BRWD1: variants seen among roughly 807,000 people sequenced by gnomAD.
BRWD1 encodes bromodomain and WD repeat-containing protein 1.
In BRWD1, 82 loss-of-function variants were observed where a neutral mutation model predicts 251.2. That is an observed-to-expected ratio of 0.33 (90% CI 0.27 to 0.39). BRWD1 has a LOEUF of 0.39. Among genes scored for constraint, BRWD1 ranks in the 10% least tolerant of loss-of-function variants. The pLI is 1.00. For missense variants in BRWD1, 2,233 were observed against 2,711.6 expected (o/e 0.82, Z 3.92); for synonymous variants, 918 against 902.8 (o/e 1.02, Z -0.30).
chr21:39,214,759 C>G (rs982127358), intron 32 of BRWD1, among the ~76,000 whole-genome samples: 4 of 151,742 alleles, frequency 2.6e-5, no homozygotes, highest in African/African-American at 9.7e-5. Context: ...AGTTGAAAAA[C>G]TGAATTATTC....
chr21:39,237,143 A>C (rs537499685), intron 22 of BRWD1, among the ~76,000 whole-genome samples: 1 of 152,314 alleles, frequency 6.6e-6, no homozygotes, highest in African/African-American at 2.4e-5. Context: ...CAAAACCCCA[A>C]AAATAGGCCC....
At chr21:39,185,294 C>CAAAAAAAAAAAA (rs2031152435), downstream of BRWD1, 1 of 9,846 alleles carries the variant, frequency 1.0e-4, no homozygotes. Context: ...ACTGAAATTG[C>CAAAAAAAAAAAA]TAAAAAAAAA....
In BRWD1 at chr21:39,308,768, AG is replaced by A. The variant is rs1476011783; in HGVS notation, c.198+4072del. On this transcript the variant is annotated intron_variant, in intron 4 of 40. Coordinates refer to ENST00000342449, the MANE Select transcript of BRWD1 (RefSeq NM_033656.4). ...GAAAAAGGAACAAGTTACCATCATA[AG>A]GAACAATAAGACAAATACAGAATGT... Among the ~76,000 whole-genome samples, 4 of 152,292 alleles carry A rather than the reference AG, an allele frequency of 2.6e-5. No homozygotes were observed. In the East Asian group the frequency reaches 7.7e-4, roughly 29 times the overall value.
downstream of BRWD1, chr21:39,185,437 A>T (rs1033105988): frequency 1.3e-5 from 2 of 152,080 alleles, no homozygotes; most frequent in Non-Finnish European, 2.9e-5. Flanking sequence ...ACTGGAAAGA[A>T]GTTTAAGCAT....
At chr21:39,319,512 A>T (rs1190725434) in intron 1 of BRWD1, among the ~76,000 whole-genome samples, 1 of 152,132 alleles carries the variant, frequency 6.6e-6, no homozygotes, top group Non-Finnish European at 1.5e-5. Flanking sequence ...GAGTTGGGCA[A>T]CCTCTTGGCT....
chr21:39,191,080 C>T lies in BRWD1; in HGVS notation c.*5179G>A. The T allele has an allele frequency of 1.0e-6, 1 of 985,248 alleles. No individual in the cohort carries two copies. Among genetic ancestry groups the T allele is most frequent in the Non-Finnish European group, 1.2e-6 (1 of 829,854 alleles). 61.0% of individuals were successfully genotyped at this position (985,248 alleles called of 1,614,324 possible). On this transcript the variant is annotated 3_prime_UTR_variant, in exon 41 of 41. Transcript: ENST00000342449. ...ACTTTATACTTAACTGCTTAATTTG[C>T]TTTTTAGAAGCAATACCTTAAGAGC...
At chr21:39,233,568 TC>T (rs920505113) in intron 23 of BRWD1, among the ~76,000 whole-genome samples, 4 of 152,156 alleles carry the variant, frequency 2.6e-5, no homozygotes, top group Non-Finnish European at 5.9e-5. Flanking sequence ...ACCTTAAAAT[TC>T]CTTGAAGTCT....
Position 39,293,920 on chromosome 21 carries a change from G to A in BRWD1, c.722C>T (p.Thr241Ile). The A allele has an allele frequency of 6.2e-7, 1 of 1,614,112 alleles. No individual in the cohort carries two copies. The change falls in exon 8 of 41, where the codon ACA (threonine) becomes ATA (isoleucine). Residue 241 changes from threonine (T) to isoleucine (I), a missense_variant. Physicochemically the swap from Thr to Ile is moderately conservative, Grantham distance 89. This residue lies in a region of BRWD1 where 185 missense variants were observed against 260.6 expected (regional missense o/e 0.71). Transcript: ENST00000342449. The part of the protein sequence containing the change: ...ISDMAVNYEN[T>I]MIAAGSCDKI... ...ATCACAGCTCCCCGCAGCAATCATT[G>A]TATTCTCATAGTTTACTGCCATATC... is the stretch of plus-strand genomic sequence containing the variant.
At position 39,189,957 on chromosome 21, in the gene BRWD1, T is replaced by C; in HGVS notation, c.*6302A>G. ...ATGAGTCTTGTTTCAGTCATGGGTT[T>C]ACAAAGTCATTGAGTGCTTGAGGAC... On this transcript the variant is annotated 3_prime_UTR_variant, in exon 41 of 41. Transcript: ENST00000342449. The C allele has an allele frequency of 1.0e-6, 1 of 985,392 alleles. No homozygotes were observed. Among genetic ancestry groups the C allele is most frequent in the Non-Finnish European group, 1.2e-6 (1 of 829,912 alleles). The allele number at this position is 985,392 out of a possible 1,614,324, so 61.0% of individuals were successfully genotyped here. A position where few individuals can be genotyped will look rare whatever the true frequency, so the allele number is the denominator to read the frequency against.
rs202165419 is a variant in BRWD1 at position 39,236,723 on chromosome 21, A to G, written c.2638T>C (p.Leu880=). 8.1e-6 allele frequency: 13 copies of G among 1,614,006 alleles called. No individual in the cohort carries two copies. Among genetic ancestry groups the G allele is most frequent in the Non-Finnish European group, 1.1e-5 (13 of 1,180,026 alleles). Reference sequence around the variant, plus strand: ...ATTCGTCGACGACATGATGTTCTTAAAGGAGGCTGCAAATTGATGCCCGCA... The same window carrying G: ...ATTCGTCGACGACATGATGTTCTTAGAGGAGGCTGCAAATTGATGCCCGCA... ...ADAGINLQPP[L]RTSCRRRITR... Residue 880 remains leucine, a synonymous_variant, in exon 23 of 41, where the codon TTA becomes CTA. Transcript: ENST00000342449.
At chr21:39,281,804 G>T (rs1168892236) in intron 8 of BRWD1, among the ~76,000 whole-genome samples, 2 of 151,670 alleles carry the variant, frequency 1.3e-5, no homozygotes, top group East Asian at 2.0e-4. Context: ...GGAGGCAAAG[G>T]TTGCAGCAGG....
rs1221258305 is a variant in BRWD1 at position 39,196,707 on chromosome 21, G to A, written c.6362C>T (p.Thr2121Ile). Residue 2121 changes from threonine (T) to isoleucine (I), a missense_variant, in exon 41 of 41, where the codon ACA (threonine) becomes ATA (isoleucine). By Grantham distance (89) the Thr-to-Ile change is moderately conservative (BLOSUM62 -1). Coordinates refer to ENST00000342449, the MANE Select transcript of BRWD1 (RefSeq NM_033656.4). ...CTTCCTTTTTACTTCCTTCTCTGCT[G>A]TTTCCTGTGAATCATGAATCACTTT... ...KTKVIHDSQE[T>I]AEKEVKRKRS... The A allele has an allele frequency of 6.2e-7, 1 of 1,613,800 alleles. No homozygotes were observed. The highest frequency in any genetic ancestry group is 8.5e-7 in the Non-Finnish European group (1 of 1,179,878).
chr21:39,190,385 A>G lies in BRWD1; in HGVS notation c.*5874T>C. 2.0e-6 allele frequency: 2 copies of G among 985,392 alleles called. No individual in the cohort carries two copies. The highest frequency in any genetic ancestry group is 2.4e-6 in the Non-Finnish European group (2 of 829,886). The allele number at this position is 985,392 out of a possible 1,614,324, so 61.0% of individuals were successfully genotyped here. On this transcript the variant is annotated 3_prime_UTR_variant, in exon 41 of 41. Transcript: ENST00000342449. ...TTTTTAAAATTGGAGCATTTAAAAC[A>G]GATTTGAGAATGAGAAAAGAATGTC... is the stretch of plus-strand genomic sequence containing the variant.
chr21:39,192,129 T>G lies in BRWD1; in HGVS notation c.*4130A>C, dbSNP rs2031584375. On this transcript the variant is annotated 3_prime_UTR_variant, in exon 41 of 41. Transcript: ENST00000342449. ...ATATATTAGGAACCAGCTTGGCAGA[T>G]TATGAAAAAGGTAAAAATCTCTTAC... 1.0e-6 allele frequency: 1 copy of G among 985,024 alleles called. No individual in the cohort carries two copies. Among genetic ancestry groups the G allele is most frequent in the South Asian group, 4.7e-5 (1 of 21,282 alleles). The allele number at this position is 985,024 out of a possible 1,614,324, so 61.0% of individuals were successfully genotyped here. A position where few individuals can be genotyped will look rare whatever the true frequency, so the allele number is the denominator to read the frequency against.
rs2034874582 is a variant in BRWD1, at chr21:39,265,024, G to A, written c.1531-5C>T. 1 of 1,604,004 alleles carries A rather than the reference G, an allele frequency of 6.2e-7. No homozygotes were observed. The highest frequency in any genetic ancestry group is 8.5e-7 in the Non-Finnish European group (1 of 1,177,362). On this transcript the variant is annotated splice_polypyrimidine_tract_variant and splice_region_variant and intron_variant, in intron 15 of 40. Coordinates refer to ENST00000342449, the MANE Select transcript of BRWD1 (RefSeq NM_033656.4). ...TCCATGTCCTTGTCCTTCAATCTAG[G>A]AAACACAAAAGGAAAAAAGTTAGGA...
At chr21:39,238,641 T>C (rs759066876) in intron 21 of BRWD1, 68 bp from the exon 22 acceptor site, 19 of 1,014,930 alleles carry the variant, frequency 1.9e-5, no homozygotes, top group Non-Finnish European at 2.8e-5. Context: ...AGAAAAAAGC[T>C]GTACACAATC....
rs535429488 is a variant in BRWD1 at position 39,286,311 on chromosome 21, C to T, written c.832-6063G>A. Among the ~76,000 whole-genome samples, 3 of 152,136 alleles carry T rather than the reference C, an allele frequency of 2.0e-5. No homozygotes were observed. The South Asian group carries it at 6.2e-4, about 32-fold the overall frequency. On this transcript the variant is annotated intron_variant, in intron 8 of 40. Transcript: ENST00000342449. ...GGGATTACAGGCGTAAGCCACCGCGCCCGGCCCATATGAACCATTTTAAAG... is the reference window on the plus strand; with the variant it reads ...GGGATTACAGGCGTAAGCCACCGCGTCCGGCCCATATGAACCATTTTAAAG...
upstream of BRWD1, chr21:39,314,011 C>G (rs531277381): frequency 1.5e-5 from 7 of 453,096 alleles, no homozygotes; most frequent in South Asian, 7.8e-5. Flanking sequence ...CCTGGGTCCT[C>G]TACGCGGGAC....
intron 4 of BRWD1, among the ~76,000 whole-genome samples, chr21:39,311,006 G>T (rs1021059988): frequency 1.3e-5 from 2 of 152,076 alleles, no homozygotes; most frequent in Non-Finnish European, 2.9e-5. Context: ...GGTAAAAAAA[G>T]AAAGGACACC....
Sources: allele counts gnomAD v4.1 joint callset (sites outside exome capture counted in the v4.1 genomes callset), GRCh38; gene constraint gnomAD v4.1.1; regional missense constraint gnomAD v4.1.1; transcripts MANE v1.5; gene names NCBI Gene and HGNC (gene_info 2026-07-23, HGNC 2026-07-21).